PPARGC1A: variants seen among roughly 807,000 people sequenced by gnomAD.
PPARGC1A encodes the protein PPARG coactivator 1 alpha, also known as peroxisome proliferator-activated receptor gamma coactivator 1-alpha.
In PPARGC1A, 25 loss-of-function variants were observed where a neutral mutation model predicts 88.7. That is an observed-to-expected ratio of 0.28 (90% CI 0.21 to 0.39). The LOEUF is 0.39. PPARGC1A is among the 10% of genes least tolerant of loss of function. The probability of loss-of-function intolerance (pLI) is 1.00; values close to 1 mark genes in which losing one functional copy is unlikely to be tolerated. For missense variants in PPARGC1A, 880 were observed against 968.7 expected (o/e 0.91, Z 1.22); for synonymous variants, 363 against 355.6 (o/e 1.02, Z -0.24).
At chr4:24,259,651 A>G in the PPARGC1A span, among the ~76,000 whole-genome samples, 647 of 152,318 alleles carry the variant, frequency 4.2e-3, 13 homozygotes, top group Admixed American at 0.039. Context: ...GTAACCTGGG[A>G]GCAATAGTAT....
the PPARGC1A span, among the ~76,000 whole-genome samples, chr4:24,188,625 T>C: frequency 6.6e-6 from 1 of 152,088 alleles, no homozygotes; most frequent in Non-Finnish European, 1.5e-5. Flanking sequence ...GGATGGTTAC[T>C]ATCAAAGAAA....
the PPARGC1A span, among the ~76,000 whole-genome samples, chr4:24,049,640 T>C: frequency 2.6e-5 from 4 of 152,070 alleles, no homozygotes; most frequent in Non-Finnish European, 5.9e-5. Context: ...TTAATATCAA[T>C]GACTATTTTC....
At chr4:23,916,083 T>C in the PPARGC1A span, among the ~76,000 whole-genome samples, 2 of 152,204 alleles carry the variant, frequency 1.3e-5, no homozygotes, top group African/African-American at 4.8e-5. Flanking sequence ...ATGTGGATAA[T>C]ACTTCAAAGA....
At chr4:24,091,571 C>T in the PPARGC1A span, 6 of 985,228 alleles carry the variant, frequency 6.1e-6, no homozygotes, top group East Asian at 2.3e-4. Context: ...GATTCGCCAG[C>T]GGCTGTTACT....
chr4:24,132,706 T>C, the PPARGC1A span, among the ~76,000 whole-genome samples: 2 of 152,186 alleles, frequency 1.3e-5, no homozygotes, highest in African/African-American at 2.4e-5. Context: ...ATTCAAAACC[T>C]GGTGTAGGGG....
At chr4:23,978,411 G>A in the PPARGC1A span, among the ~76,000 whole-genome samples, 1 of 152,154 alleles carries the variant, frequency 6.6e-6, no homozygotes, top group Non-Finnish European at 1.5e-5. Flanking sequence ...AGCATAAAAT[G>A]TCATTCTTTA....
At chr4:24,142,038 A>G in the PPARGC1A span, among the ~76,000 whole-genome samples, 3 of 152,334 alleles carry the variant, frequency 2.0e-5, no homozygotes, top group South Asian at 6.2e-4. Flanking sequence ...TAGCTTTCAT[A>G]ATATTATTCT....
the PPARGC1A span, among the ~76,000 whole-genome samples, chr4:24,229,144 A>ATCTGGACC: frequency 1.8e-5 from 1 of 55,638 alleles, no homozygotes; most frequent in Non-Finnish European, 4.1e-5. Context: ...AAGCTTGGGT[A>ATCTGGACC]TCTGGACCTT....
chr4:24,407,130 C>T, the PPARGC1A span, among the ~76,000 whole-genome samples: 1,066 of 152,214 alleles, frequency 7.0e-3, 7 homozygotes, highest in Non-Finnish European at 9.4e-3. Flanking sequence ...AAAGTCTTCA[C>T]GAAAGGCACA....
chr4:24,289,309 T>C, the PPARGC1A span, among the ~76,000 whole-genome samples: 1 of 150,400 alleles, frequency 6.6e-6, no homozygotes, highest in Non-Finnish European at 1.5e-5. Context: ...ATTATATTGC[T>C]CCATTTCAGC....
chr4:24,302,096 C>A, the PPARGC1A span, among the ~76,000 whole-genome samples: 1 of 152,266 alleles, frequency 6.6e-6, no homozygotes, highest in East Asian at 1.9e-4. Flanking sequence ...ACTCCCTTGC[C>A]ACTCTAGATT....
the PPARGC1A span, among the ~76,000 whole-genome samples, chr4:23,956,885 GGC>G: frequency 6.6e-6 from 1 of 152,052 alleles, no homozygotes; most frequent in Non-Finnish European, 1.5e-5. Flanking sequence ...CTAGGTAGAA[GGC>G]ACAATTGTAT....
the PPARGC1A span, among the ~76,000 whole-genome samples, chr4:23,964,100 T>A: frequency 6.6e-6 from 1 of 152,170 alleles, no homozygotes; most frequent in South Asian, 2.1e-4. Flanking sequence ...ACAATACAAG[T>A]TCAATTATGA....
chr4:24,459,441 G>A, the PPARGC1A span, among the ~76,000 whole-genome samples: 1 of 149,558 alleles, frequency 6.7e-6, no homozygotes, highest in Non-Finnish European at 1.5e-5. Context: ...TAATGTTATG[G>A]ATGGTGTAAA....
At chr4:24,281,972 A>G in the PPARGC1A span, among the ~76,000 whole-genome samples, 1 of 152,238 alleles carries the variant, frequency 6.6e-6, no homozygotes, top group East Asian at 1.9e-4. Flanking sequence ...CCAAGGAAGC[A>G]TTGAAACCAG....
At chr4:24,208,158 C>A in the PPARGC1A span, among the ~76,000 whole-genome samples, 1 of 152,090 alleles carries the variant, frequency 6.6e-6, no homozygotes, top group Non-Finnish European at 1.5e-5. Context: ...TGGTGTGCAC[C>A]TGTAGTCCCA....
chr4:24,469,448 G>A, the PPARGC1A span, among the ~76,000 whole-genome samples: 1 of 152,198 alleles, frequency 6.6e-6, no homozygotes, highest in Non-Finnish European at 1.5e-5. Context: ...AGCTTCGGTA[G>A]CATCTGACGC....
the PPARGC1A span, among the ~76,000 whole-genome samples, chr4:24,209,867 G>A: frequency 6.6e-6 from 1 of 152,294 alleles, no homozygotes; most frequent in South Asian, 2.1e-4. Flanking sequence ...ACTGATAGGA[G>A]CACATAATCA....
chr4:24,451,480 T>A, the PPARGC1A span, among the ~76,000 whole-genome samples: 1 of 152,210 alleles, frequency 6.6e-6, no homozygotes, highest in Admixed American at 6.5e-5. Context: ...TCTACCTACA[T>A]TACAGTCATT....
Sources: gnomAD v4.1 joint callset for allele counts (sites outside exome capture counted in the v4.1 genomes callset) on GRCh38, gnomAD v4.1.1 for gene constraint, MANE v1.5 for transcripts, NCBI Gene and HGNC (gene_info 2026-07-23, HGNC 2026-07-21) for gene names.